The following RALGPS1 variants were observed in gnomAD, a reference collection of about 807,000 sequenced individuals.
RALGPS1 encodes the protein ras-specific guanine nucleotide-releasing factor RalGPS1.
A neutral mutation model predicts 78.8 loss-of-function variants in RALGPS1; 19 were observed. The observed-to-expected ratio is 0.24, with a 90% CI of 0.17 to 0.35. The LOEUF is 0.35. Ranked by LOEUF, RALGPS1 falls within the 10% of genes least tolerant of loss-of-function variation. The pLI is 1.00. For synonymous variants in RALGPS1, 228 were observed against 256.3 expected, an observed-to-expected ratio of 0.89 and a Z score of 1.06; for missense variants, 454 against 688.3, an observed-to-expected ratio of 0.66 and a Z score of 3.81.
At chr9:127,095,830 GGGC>G (rs2053066220) in intron 8 of RALGPS1, among the ~76,000 whole-genome samples, 2 of 152,200 alleles carry the variant, frequency 1.3e-5, no homozygotes, top group African/African-American at 2.4e-5. Context: ...CATCTCAGGT[GGGC>G]TGTTCCTGAG....
chr9:126,986,374 C>T lies in RALGPS1; in HGVS notation c.216+8629C>T, dbSNP rs1026329154. On this transcript the variant is annotated intron_variant, in intron 4 of 18. Coordinates refer to ENST00000259351, the MANE Select transcript of RALGPS1 (RefSeq NM_014636.3). ...GAACTTACAAGTTGTGGCCTAGAAC[C>T]CCATTGCCACTGTGGTGGATTGGGT... 9.2e-5 allele frequency among the ~76,000 whole-genome samples: 14 copies of T among 152,134 alleles called. No individual in the cohort carries two copies. The East Asian group carries it at 2.7e-3, about 29-fold the overall frequency.
intron 3 of RALGPS1, among the ~76,000 whole-genome samples, chr9:126,970,633 ATGTG>A (rs1564334807): frequency 1.4e-5 from 2 of 147,746 alleles, no homozygotes; most frequent in African/African-American, 4.9e-5. Context: ...GTGTGTGTGT[ATGTG>A]TGTGAGTGAG....
At chr9:127,059,184 C>G (rs1313683982) in intron 7 of RALGPS1, among the ~76,000 whole-genome samples, 2 of 152,196 alleles carry the variant, frequency 1.3e-5, no homozygotes, top group East Asian at 3.9e-4. Context: ...CCTTTGCCCC[C>G]TTTGACTGAT....
intron 4 of RALGPS1, among the ~76,000 whole-genome samples, chr9:127,019,162 TGTATGTAATGAATGTACC>T (rs1057390482): frequency 6.6e-6 from 1 of 152,178 alleles, no homozygotes; most frequent in African/African-American, 2.4e-5. Flanking sequence ...GAAGGTCCAT[TGTATGTAATGAATGTACC>T]ATCTCAGGAG....
At chr9:126,985,376 G>A (rs143671379) in intron 4 of RALGPS1, among the ~76,000 whole-genome samples, 40 of 152,284 alleles carry the variant, frequency 2.6e-4, no homozygotes, top group African/African-American at 9.6e-4. Context: ...TGAAATAAAT[G>A]TTGCTGTTGT....
intron 5 of RALGPS1, among the ~76,000 whole-genome samples, chr9:127,042,169 T>C (rs533645420): frequency 7.2e-5 from 11 of 152,218 alleles, no homozygotes; most frequent in Non-Finnish European, 1.2e-4. Context: ...TAAAGTTGTG[T>C]CCATAACTAT....
chr9:127,169,819 T>C (rs774763113), intron 10 of RALGPS1, among the ~76,000 whole-genome samples: 1 of 152,156 alleles, frequency 6.6e-6, no homozygotes, highest in Non-Finnish European at 1.5e-5. Flanking sequence ...AAAATAGGCT[T>C]TGTGTTAGAC....
At chr9:127,141,106 G>A (rs1311062269) in intron 8 of RALGPS1, among the ~76,000 whole-genome samples, 2 of 152,112 alleles carry the variant, frequency 1.3e-5, no homozygotes, top group South Asian at 4.1e-4. Flanking sequence ...CTGCAGCGGT[G>A]GAGATTTCCT....
intron 1 of RALGPS1, among the ~76,000 whole-genome samples, chr9:126,924,307 G>A (rs1361089011): frequency 1.3e-5 from 2 of 152,202 alleles, no homozygotes; most frequent in Non-Finnish European, 2.9e-5. Flanking sequence ...ACTTGACTTA[G>A]CCCACAGCTC....
At chr9:127,213,459 A>G (rs2062397594) in intron 17 of RALGPS1, among the ~76,000 whole-genome samples, 1 of 152,218 alleles carries the variant, frequency 6.6e-6, no homozygotes, top group Admixed American at 6.5e-5. Flanking sequence ...TCCAAGGCCA[A>G]CTCAGAGAAG....
At chr9:127,006,029 C>T (rs532531031) in intron 4 of RALGPS1, among the ~76,000 whole-genome samples, 4 of 152,190 alleles carry the variant, frequency 2.6e-5, no homozygotes, top group Non-Finnish European at 5.9e-5. Flanking sequence ...GCTAAAAACA[C>T]TCAACAAACT....
chr9:127,136,035 G>T (rs561445258), intron 8 of RALGPS1, among the ~76,000 whole-genome samples: 1 of 152,328 alleles, frequency 6.6e-6, no homozygotes, highest in Admixed American at 6.5e-5. Context: ...GGGTGTTGGA[G>T]AGAACGAAAG....
intron 13 of RALGPS1, among the ~76,000 whole-genome samples, chr9:127,197,244 GC>G (rs2061394013): frequency 6.6e-6 from 1 of 151,546 alleles, no homozygotes; most frequent in Non-Finnish European, 1.5e-5. Context: ...CTGGTGTTGA[GC>G]TCTGGTTGTA....
At position 127,222,616 on chromosome 9, in the gene RALGPS1, C is replaced by G. The variant is rs543052984; in HGVS notation, c.*3847C>G. On this transcript the variant is annotated 3_prime_UTR_variant, in exon 19 of 19. Transcript: ENST00000259351. ...CCCCCTGGGCAGCCTCAAAACCCCG[C>G]TTACAGCAGCAACACAGGAGATCAT... The G allele has an allele frequency of 3.1e-4, 48 of 152,646 alleles. No individual in the cohort carries two copies. Among genetic ancestry groups the G allele is most frequent in the African/African-American group, 1.1e-3 (47 of 41,596 alleles). The allele number at this position is 152,646 out of a possible 1,614,324, so 9.5% of individuals were successfully genotyped here.
At chr9:126,982,216 GAGCTGGACACC>G (rs1388385055) in intron 4 of RALGPS1, among the ~76,000 whole-genome samples, 1 of 152,150 alleles carries the variant, frequency 6.6e-6, no homozygotes, top group African/African-American at 2.4e-5. Flanking sequence ...CACTATACAA[GAGCTGGACACC>G]AGCAAGTAGG....
chr9:127,180,641 C>T (rs1469724633), intron 11 of RALGPS1, among the ~76,000 whole-genome samples: 1 of 152,246 alleles, frequency 6.6e-6, no homozygotes, highest in Non-Finnish European at 1.5e-5. Context: ...CCCAGGCGGG[C>T]TCTGGTGCCG....
At chr9:127,180,088 T>G (rs1037745210) in intron 11 of RALGPS1, among the ~76,000 whole-genome samples, 3 of 152,218 alleles carry the variant, frequency 2.0e-5, no homozygotes, top group African/African-American at 7.2e-5. Flanking sequence ...AATGCCACGT[T>G]TTCCATTTTC....
intron 1 of RALGPS1, among the ~76,000 whole-genome samples, chr9:126,956,600 G>C (rs1252687492): frequency 6.6e-6 from 1 of 152,130 alleles, no homozygotes; most frequent in African/African-American, 2.4e-5. Flanking sequence ...ACAGGGGGAA[G>C]ATGGGCAGGT....
intron 4 of RALGPS1, among the ~76,000 whole-genome samples, chr9:126,981,621 C>T (rs1264042957): frequency 1.3e-5 from 2 of 152,184 alleles, no homozygotes; most frequent in Non-Finnish European, 1.5e-5. Flanking sequence ...CTAGGCTAGG[C>T]TCCTTAGATG....
Sources: gnomAD v4.1 joint callset for allele counts (sites outside exome capture counted in the v4.1 genomes callset) on GRCh38, gnomAD v4.1.1 for gene constraint, MANE v1.5 for transcripts, NCBI Gene and HGNC (gene_info 2026-07-23, HGNC 2026-07-21) for gene names.